Variants in ZNF804B observed in about 807,000 individuals in gnomAD.
ZNF804B encodes zinc finger 804B.
ZNF804B carries 80 observed loss-of-function variants against 101.4 expected under a neutral mutation model. That is an observed-to-expected ratio of 0.79 (90% confidence interval 0.66 to 0.95). ZNF804B has a LOEUF of 0.95. ZNF804B is among the 40% of genes least tolerant of loss of function. The pLI, the probability that ZNF804B is intolerant of heterozygous loss-of-function variation, is 0.00. For missense variants in ZNF804B, 1,673 were observed against 1,561.9 expected, an observed-to-expected ratio of 1.07 and a Z score of -1.20; for synonymous variants, 622 against 558.8, an observed-to-expected ratio of 1.11 and a Z score of -1.59.
At chr7:88,835,399 G>C (rs1480403124) in intron 1 of ZNF804B, among the ~76,000 whole-genome samples, 1 of 151,848 alleles carries the variant, frequency 6.6e-6, no homozygotes, top group African/African-American at 2.4e-5. Flanking sequence ...TGTTGGAGGA[G>C]AGATCATTCA....
At chr7:89,293,159 A>G (rs1790323807) in intron 2 of ZNF804B, among the ~76,000 whole-genome samples, 1 of 151,798 alleles carries the variant, frequency 6.6e-6, no homozygotes, top group African/African-American at 2.4e-5. Context: ...CATTTTTTCT[A>G]TTCATTCTAC....
chr7:89,196,087 G>C (rs377741481), intron 1 of ZNF804B, among the ~76,000 whole-genome samples: 214 of 152,142 alleles, frequency 1.4e-3, no homozygotes, highest in African/African-American at 4.9e-3. Context: ...AAAAGAGCCT[G>C]AATAGCCAAT....
At chr7:88,917,140 G>A (rs982654527) in intron 1 of ZNF804B, among the ~76,000 whole-genome samples, 1 of 151,786 alleles carries the variant, frequency 6.6e-6, no homozygotes, top group Non-Finnish European at 1.5e-5. Context: ...TGGCAGGTGT[G>A]TGTAATCCCA....
intron 2 of ZNF804B, among the ~76,000 whole-genome samples, chr7:89,246,533 T>A (rs1010952268): frequency 6.6e-6 from 1 of 152,156 alleles, no homozygotes; most frequent in Non-Finnish European, 1.5e-5. Flanking sequence ...TGCCCCACAT[T>A]TCCTGTGCAG....
At chr7:89,121,632 A>G (rs1192949876) in intron 1 of ZNF804B, among the ~76,000 whole-genome samples, 2 of 152,230 alleles carry the variant, frequency 1.3e-5, no homozygotes, top group East Asian at 1.9e-4. Flanking sequence ...GGATTAAAAT[A>G]TTGACATTTC....
At chr7:88,806,027 C>G (rs796124856) in intron 1 of ZNF804B, among the ~76,000 whole-genome samples, 24 of 150,632 alleles carry the variant, frequency 1.6e-4, no homozygotes, top group East Asian at 1.4e-3. Context: ...AGTGGCTGAT[C>G]TAACTATGAG....
In ZNF804B at chr7:89,260,674, C is replaced by T. The variant is rs1024897425; in HGVS notation, c.249+42379C>T. ...ACATAAAAGCTATGTTTTCAGTAAA[C>T]GGTAAAACAAGTATTTCACAAAAAC... On this transcript the variant is annotated intron_variant, in intron 2 of 3. Coordinates refer to ENST00000333190, the MANE Select transcript of ZNF804B (RefSeq NM_181646.5). 1.4e-4 allele frequency among the ~76,000 whole-genome samples: 21 copies of T among 152,128 alleles called. No individual in the cohort carries two copies. In the Middle Eastern group the frequency reaches 0.01, roughly 74 times the overall value.
At chr7:89,061,258 G>A (rs1267840175) in intron 1 of ZNF804B, among the ~76,000 whole-genome samples, 6 of 152,098 alleles carry the variant, frequency 3.9e-5, no homozygotes, top group East Asian at 1.9e-4. Context: ...ATGTAAATAT[G>A]TGTCTTTCAA....
intron 1 of ZNF804B, among the ~76,000 whole-genome samples, chr7:89,073,444 G>T (rs775931260): frequency 3.3e-5 from 5 of 151,930 alleles, no homozygotes; most frequent in Admixed American, 6.6e-5. Context: ...TATTAGAAAA[G>T]GCTGCTTATT....
chr7:89,142,597 C>A (rs1790733331), intron 1 of ZNF804B, among the ~76,000 whole-genome samples: 1 of 151,940 alleles, frequency 6.6e-6, no homozygotes, highest in Non-Finnish European at 1.5e-5. Context: ...TTTTCAGGAT[C>A]TTGATCCCAC....
intron 1 of ZNF804B, among the ~76,000 whole-genome samples, chr7:88,767,048 T>C (rs10267778): frequency 0.023 from 3,437 of 152,338 alleles, 120 homozygotes; most frequent in African/African-American, 0.078. Flanking sequence ...TCTATTCTTC[T>C]TGCCATCAGT....
chr7:89,089,054 T>C (rs1789846589), intron 1 of ZNF804B, among the ~76,000 whole-genome samples: 1 of 150,838 alleles, frequency 6.6e-6, no homozygotes, highest in South Asian at 2.1e-4. Context: ...TTCCTTTTTT[T>C]TTCTTTTTTT....
At chr7:88,767,963 A>G (rs377035150) in intron 1 of ZNF804B, among the ~76,000 whole-genome samples, 1 of 152,224 alleles carries the variant, frequency 6.6e-6, no homozygotes, top group East Asian at 1.9e-4. Context: ...GGTCAAGTGC[A>G]TCTCTTATAG....
At chr7:89,278,385 T>C (rs1015022881) in intron 2 of ZNF804B, among the ~76,000 whole-genome samples, 5 of 151,140 alleles carry the variant, frequency 3.3e-5, no homozygotes, top group Non-Finnish European at 5.9e-5. Context: ...TTGGCTTTTG[T>C]TGCCATTGCT....
At chr7:89,161,135 G>C (rs951727224) in intron 1 of ZNF804B, among the ~76,000 whole-genome samples, 1 of 152,016 alleles carries the variant, frequency 6.6e-6, no homozygotes, top group African/African-American at 2.4e-5. Flanking sequence ...AGAACTGAGA[G>C]CTGACTCCTA....
intron 1 of ZNF804B, among the ~76,000 whole-genome samples, chr7:88,981,403 T>C (rs970586158): frequency 2.0e-5 from 3 of 151,922 alleles, no homozygotes; most frequent in African/African-American, 7.2e-5. Context: ...CTCTCCCCTC[T>C]CCTCTCCTCA....
intron 1 of ZNF804B, among the ~76,000 whole-genome samples, chr7:89,123,472 A>G (rs1204919101): frequency 3.3e-5 from 5 of 152,148 alleles, no homozygotes; most frequent in Non-Finnish European, 2.9e-5. Context: ...GGCTCTATTC[A>G]TTTAATGTAA....
chr7:88,975,178 G>A (rs1210015603), intron 1 of ZNF804B, among the ~76,000 whole-genome samples: 1 of 151,336 alleles, frequency 6.6e-6, no homozygotes, highest in African/African-American at 2.4e-5. Flanking sequence ...CATTCAGTCT[G>A]TGGATGGACA....
chr7:89,038,334 T>G (rs1398233398), intron 1 of ZNF804B, among the ~76,000 whole-genome samples: 1 of 152,214 alleles, frequency 6.6e-6, no homozygotes, highest in African/African-American at 2.4e-5. Context: ...ACTTACTTTT[T>G]GTCTTTTTGA....
Sources: allele counts gnomAD v4.1 joint callset (sites outside exome capture counted in the v4.1 genomes callset), GRCh38; gene constraint gnomAD v4.1.1; transcripts MANE v1.5; gene names NCBI Gene and HGNC (gene_info 2026-07-23, HGNC 2026-07-21).